Variants in SLC41A3 observed in about 807,000 individuals in gnomAD.
The protein encoded by SLC41A3 is SLC41A1-like 2.
Under a neutral mutation model 45.4 loss-of-function variants are expected in SLC41A3, and 44 were observed. The ratio of observed to expected loss-of-function variants is 0.97; its 90% CI spans 0.76 to 1.25. The LOEUF (loss-of-function observed/expected upper bound fraction) is 1.25, where lower values mean the gene tolerates loss of function less well. Ranked by LOEUF, SLC41A3 falls within the 50% of genes most tolerant of loss-of-function variation. SLC41A3 has a pLI of 0.00. For missense variants in SLC41A3, 550 were observed against 600.6 expected (o/e 0.92, Z 0.88); for synonymous variants, 256 against 252.4 (o/e 1.01, Z -0.13).
chr3:126,100,010 G>C (rs1303217746), intron 1 of SLC41A3, among the ~76,000 whole-genome samples: 1 of 152,180 alleles, frequency 6.6e-6, no homozygotes, highest in South Asian at 2.1e-4. Flanking sequence ...GTCTGTTCCT[G>C]TTTGTGTCTC....
intron 3 of SLC41A3, among the ~76,000 whole-genome samples, chr3:126,050,115 A>G (rs373717842): frequency 1.3e-5 from 2 of 152,160 alleles, no homozygotes; most frequent in Admixed American, 6.5e-5. Flanking sequence ...CCTCTTCCCT[A>G]TAAGTTAACA....
At chr3:126,049,961 G>A (rs1201558743) in intron 3 of SLC41A3, among the ~76,000 whole-genome samples, 1 of 152,134 alleles carries the variant, frequency 6.6e-6, no homozygotes, top group Non-Finnish European at 1.5e-5. Flanking sequence ...CTCTTATGCT[G>A]CTTCCACTAC....
At chr3:126,091,316 A>G (rs1480208958) in intron 1 of SLC41A3, among the ~76,000 whole-genome samples, 1 of 152,168 alleles carries the variant, frequency 6.6e-6, no homozygotes, top group Non-Finnish European at 1.5e-5. Flanking sequence ...CGTGTGCCTT[A>G]GGTGGTCTGG....
chr3:126,089,053 G>A (rs1945443447), upstream of SLC41A3, among the ~76,000 whole-genome samples: 1 of 152,146 alleles, frequency 6.6e-6, no homozygotes, highest in South Asian at 2.1e-4. Flanking sequence ...AAGCACCTCA[G>A]ATGAAGCAGT....
At chr3:126,011,693 G>A (rs777485750) in intron 9 of SLC41A3, among the ~76,000 whole-genome samples, 36 of 152,178 alleles carry the variant, frequency 2.4e-4, no homozygotes, top group Admixed American at 1.0e-3. Flanking sequence ...AGAGAGAAAT[G>A]GCACCATACC....
intron 1 of SLC41A3, chr3:126,070,382 A>T (rs1451205790): frequency 6.6e-6 from 1 of 152,234 alleles, no homozygotes; most frequent in Non-Finnish European, 1.5e-5. Context: ...CAGGGGATCT[A>T]GGTTGTGTGC....
intron 1 of SLC41A3, chr3:126,092,546 G>GTT (rs1374572735): frequency 6.6e-6 from 1 of 152,526 alleles, no homozygotes; most frequent in Non-Finnish European, 1.5e-5. Context: ...GTGTGTGTGT[G>GTT]TGTGTTTAAT....
chr3:126,098,854 G>T (rs899165482), intron 1 of SLC41A3, among the ~76,000 whole-genome samples: 2 of 151,702 alleles, frequency 1.3e-5, no homozygotes, highest in South Asian at 2.1e-4. Context: ...CTGGGAACAG[G>T]CCCCAGTGGT....
At chr3:126,050,375 A>AG (rs1364267236) in intron 3 of SLC41A3, among the ~76,000 whole-genome samples, 2 of 152,190 alleles carry the variant, frequency 1.3e-5, no homozygotes, top group Non-Finnish European at 1.5e-5. Flanking sequence ...GTGTAGTAGA[A>AG]GGGAAAAAGC....
intron 3 of SLC41A3, among the ~76,000 whole-genome samples, chr3:126,047,285 C>A (rs556864425): frequency 9.2e-5 from 14 of 151,510 alleles, no homozygotes; most frequent in Non-Finnish European, 1.9e-4. Context: ...ATCACTTGAG[C>A]CTGGGAGGCA....
chr3:126,059,283 AAAG>A (rs1559869779), intron 2 of SLC41A3, among the ~76,000 whole-genome samples: 13 of 131,670 alleles, frequency 9.9e-5, no homozygotes, highest in Admixed American at 3.7e-4. Context: ...AGAAAGAAAG[AAAG>A]AAAGAAAGAA....
chr3:126,010,467 G>T (rs1939588630), intron 9 of SLC41A3, among the ~76,000 whole-genome samples: 1 of 152,164 alleles, frequency 6.6e-6, no homozygotes, highest in African/African-American at 2.4e-5. Flanking sequence ...GTGAGACCCT[G>T]TCTCAAAAAA....
intron 3 of SLC41A3, among the ~76,000 whole-genome samples, chr3:126,043,571 T>A: frequency 6.6e-6 from 1 of 152,036 alleles, no homozygotes; most frequent in Admixed American, 6.5e-5. Flanking sequence ...AAAATATATA[T>A]TTAATAGGTA....
intron 1 of SLC41A3, among the ~76,000 whole-genome samples, chr3:126,092,080 A>T (rs1046508463): frequency 3.3e-5 from 5 of 152,204 alleles, no homozygotes; most frequent in Non-Finnish European, 5.9e-5. Flanking sequence ...ACTGGCAGCA[A>T]ATTTATACTG....
At chr3:126,082,664 A>ATCC (rs1343986572) in intron 1 of SLC41A3, among the ~76,000 whole-genome samples, 1 of 152,108 alleles carries the variant, frequency 6.6e-6, no homozygotes, top group East Asian at 1.9e-4. Context: ...ACCCAGAAGC[A>ATCC]TCCCTGTGTC....
intron 2 of SLC41A3, among the ~76,000 whole-genome samples, chr3:126,061,824 A>G (rs915127456): frequency 3.3e-5 from 5 of 151,882 alleles, no homozygotes; most frequent in African/African-American, 4.8e-5. Context: ...GCAACTGCAA[A>G]TTGCTGGCTT....
At chr3:126,050,845 A>G in intron 3 of SLC41A3, 98 bp downstream of exon 3, 8 of 1,455,328 alleles carry the variant, frequency 5.5e-6, no homozygotes, top group Non-Finnish European at 5.5e-6. Context: ...ATTGTTTTGG[A>G]GAATCCAACC....
chr3:126,011,186 C>CA (rs1269650368), intron 9 of SLC41A3, among the ~76,000 whole-genome samples: 1 of 151,138 alleles, frequency 6.6e-6, no homozygotes. Context: ...CTGAAACAAA[C>CA]AAAAAAATAG....
chr3:126,074,344 G>C (rs954794728), intron 1 of SLC41A3, among the ~76,000 whole-genome samples: 1 of 151,846 alleles, frequency 6.6e-6, no homozygotes, highest in Non-Finnish European at 1.5e-5. Flanking sequence ...CAAACTTAGC[G>C]AGAGTCTGAA....
Sources: gnomAD v4.1 joint callset for allele counts (sites outside exome capture counted in the v4.1 genomes callset) on GRCh38, gnomAD v4.1.1 for gene constraint, MANE v1.5 for transcripts, NCBI Gene and HGNC (gene_info 2026-07-23, HGNC 2026-07-21) for gene names.